Variants in CRTAC1 observed in about 807,000 individuals in gnomAD.
The protein encoded by CRTAC1 is cartilage acidic protein 1, also known as acidic secreted protein in cartilage.
Under a neutral mutation model 67.8 loss-of-function variants are expected in CRTAC1, and 37 were observed. That is an observed-to-expected ratio of 0.55 (90% CI 0.42 to 0.72). The LOEUF (loss-of-function observed/expected upper bound fraction) is 0.72. Among genes scored for constraint, CRTAC1 ranks in the 30% least tolerant of loss-of-function variants. The probability of loss-of-function intolerance (pLI) is 0.00; values close to 1 mark genes in which losing one functional copy is unlikely to be tolerated. For missense variants in CRTAC1, 780 were observed against 931.6 expected (o/e 0.84, Z 2.12); for synonymous variants, 348 against 371.0 (o/e 0.94, Z 0.71).
chr10:97,981,180 A>G (rs1356773642), intron 2 of CRTAC1, among the ~76,000 whole-genome samples: 1 of 152,232 alleles, frequency 6.6e-6, no homozygotes, highest in African/African-American at 2.4e-5. Flanking sequence ...TATGGATCCT[A>G]TAATTATGAT....
intron 1 of CRTAC1, among the ~76,000 whole-genome samples, chr10:98,018,827 A>G (rs1078303): frequency 0.18 from 27,732 of 152,010 alleles, 2,721 homozygotes; most frequent in Middle Eastern, 0.22. Context: ...ACACTGCCCC[A>G]CACAGGCTGG....
At chr10:97,955,775 C>T (rs763478868) in intron 2 of CRTAC1, among the ~76,000 whole-genome samples, 3 of 152,158 alleles carry the variant, frequency 2.0e-5, no homozygotes, top group Admixed American at 6.5e-5. Flanking sequence ...CTGTTATCTA[C>T]GCTGTGCCCA....
intron 11 of CRTAC1, among the ~76,000 whole-genome samples, chr10:97,889,455 G>GT (rs1564879435): frequency 2.8e-5 from 4 of 140,882 alleles, no homozygotes; most frequent in South Asian, 4.8e-4. Context: ...GAACTTGGTG[G>GT]GGGGGGGTCC....
chr10:97,998,459 G>A (rs571366281), intron 2 of CRTAC1, among the ~76,000 whole-genome samples: 17 of 152,250 alleles, frequency 1.1e-4, no homozygotes, highest in South Asian at 8.3e-4. Flanking sequence ...AAGGAATGGC[G>A]TTAGTAATAA....
chr10:98,010,243 T>C (rs937637294), intron 2 of CRTAC1, among the ~76,000 whole-genome samples: 2 of 152,128 alleles, frequency 1.3e-5, no homozygotes, highest in African/African-American at 4.8e-5. Context: ...TTTCACCATG[T>C]TGGCCAGGCT....
chr10:97,893,957 A>G (rs1423447505), intron 11 of CRTAC1, among the ~76,000 whole-genome samples: 1 of 152,240 alleles, frequency 6.6e-6, no homozygotes, highest in Non-Finnish European at 1.5e-5. Context: ...TCATAGCTGA[A>G]TAATATTCCA....
chr10:98,023,567 T>C (rs1263415690), intron 1 of CRTAC1, among the ~76,000 whole-genome samples: 2 of 152,198 alleles, frequency 1.3e-5, no homozygotes, highest in African/African-American at 4.8e-5. Context: ...CCTCTTTGGA[T>C]ATACACAGCT....
chr10:97,992,158 T>C (rs1356761701), intron 2 of CRTAC1, among the ~76,000 whole-genome samples: 2 of 152,134 alleles, frequency 1.3e-5, no homozygotes, highest in African/African-American at 2.4e-5. Context: ...GCCTCAGCTA[T>C]AGCCTGGTGC....
At chr10:97,912,837 A>G (rs1176352574) in intron 5 of CRTAC1, among the ~76,000 whole-genome samples, 2 of 152,168 alleles carry the variant, frequency 1.3e-5, no homozygotes, top group Non-Finnish European at 2.9e-5. Context: ...AAGATCTCCA[A>G]GATTGCTACT....
intron 1 of CRTAC1, among the ~76,000 whole-genome samples, chr10:98,025,422 TC>T (rs1346507227): frequency 6.6e-6 from 1 of 152,146 alleles, no homozygotes; most frequent in Non-Finnish European, 1.5e-5. Flanking sequence ...ACCCCTCTAG[TC>T]ACCATTCAAG....
intron 1 of CRTAC1, among the ~76,000 whole-genome samples, chr10:98,011,550 C>T (rs1179821438): frequency 2.0e-5 from 3 of 150,644 alleles, no homozygotes; most frequent in South Asian, 2.2e-4. Flanking sequence ...CATGGCTGAT[C>T]GCCCTTAGCC....
At chr10:97,995,274 A>C (rs1842540553) in intron 2 of CRTAC1, among the ~76,000 whole-genome samples, 1 of 152,128 alleles carries the variant, frequency 6.6e-6, no homozygotes, top group Admixed American at 6.5e-5. Context: ...CTTCCTGCAC[A>C]TACATGCTTC....
chr10:97,981,132 G>C (rs1291244219), intron 2 of CRTAC1, among the ~76,000 whole-genome samples: 1 of 152,024 alleles, frequency 6.6e-6, no homozygotes, highest in Non-Finnish European at 1.5e-5. Flanking sequence ...TTCTCATCCT[G>C]AAGATCTGAA....
chr10:97,996,991 A>C (rs1409100334), intron 2 of CRTAC1, among the ~76,000 whole-genome samples: 21 of 148,322 alleles, frequency 1.4e-4, no homozygotes, highest in South Asian at 2.2e-4. Context: ...AAGGACAAAA[A>C]ACCAAACACC....
chr10:97,936,507 C>A, intron 2 of CRTAC1, 141 bp from the exon 3 acceptor site: 1 of 613,994 alleles, frequency 1.6e-6, no homozygotes, highest in Non-Finnish European at 2.7e-6. Context: ...GGAACACGGC[C>A]AGCCTTGCCT....
chr10:98,020,809 T>C (rs1843102918), intron 1 of CRTAC1, among the ~76,000 whole-genome samples: 1 of 152,140 alleles, frequency 6.6e-6, no homozygotes, highest in Non-Finnish European at 1.5e-5. Flanking sequence ...CAAAGGAGGC[T>C]GGAAAAGACC....
At chr10:97,993,297 T>C (rs1023600173) in intron 2 of CRTAC1, among the ~76,000 whole-genome samples, 5 of 152,242 alleles carry the variant, frequency 3.3e-5, no homozygotes, top group African/African-American at 1.2e-4. Flanking sequence ...GAGCAGTTTT[T>C]CATCATAGAA....
chr10:97,888,927 G>T lies in CRTAC1; in HGVS notation c.1487-4576C>A, dbSNP rs1405569402. Among the ~76,000 whole-genome samples the T allele has an allele frequency of 2.0e-5, 3 of 152,136 alleles. No individual in the cohort carries two copies. The East Asian group carries it at 5.8e-4, about 29-fold the overall frequency. On this transcript the variant is annotated intron_variant, in intron 11 of 14. Coordinates refer to ENST00000370597, the MANE Select transcript of CRTAC1 (RefSeq NM_018058.7). Reference sequence around the variant, plus strand: ...AGAAGAATTACAAACAAAACAGATGGTGGGAATACAGTTGGTAGAATATTT... The same window carrying T: ...AGAAGAATTACAAACAAAACAGATGTTGGGAATACAGTTGGTAGAATATTT...
intron 2 of CRTAC1, among the ~76,000 whole-genome samples, chr10:97,985,376 T>C (rs1014560701): frequency 3.9e-5 from 6 of 152,182 alleles, no homozygotes; most frequent in African/African-American, 1.4e-4. Flanking sequence ...CTTCTTTATC[T>C]CATAGCTCCT....
Sources: allele counts gnomAD v4.1 joint callset (sites outside exome capture counted in the v4.1 genomes callset), GRCh38; gene constraint gnomAD v4.1.1; transcripts MANE v1.5; gene names NCBI Gene and HGNC (gene_info 2026-07-23, HGNC 2026-07-21).